EVPL: variants seen among roughly 807,000 people sequenced by gnomAD.
EVPL encodes envoplakin, also known as 210 kDa cornified envelope precursor protein.
Under a neutral mutation model 129.7 loss-of-function variants are expected in EVPL, and 94 were observed. That is an observed-to-expected ratio of 0.72 (90% CI 0.61 to 0.86). The LOEUF is 0.86. Among genes scored for constraint, EVPL ranks in the 40% least tolerant of loss-of-function variants. The probability of loss-of-function intolerance (pLI) is 0.00; values close to 1 mark genes in which losing one functional copy is unlikely to be tolerated. For synonymous variants in EVPL, 1,172 were observed against 1,191.1 expected (o/e 0.98, Z 0.33); for missense variants, 2,625 against 2,721.1 (o/e 0.96, Z 0.79).
chr17:76,022,480 G>A lies in EVPL; in HGVS notation c.539C>T (p.Ala180Val). The A allele has an allele frequency of 6.2e-7, 1 of 1,613,250 alleles. No homozygotes were observed. The highest frequency in any genetic ancestry group is 8.5e-7 in the Non-Finnish European group (1 of 1,179,824). ...CTCCTTCTGCAGGATGTTGTGCTCG[G>A]CGATCTGTTGCTCCAGCTCCGCCAT... ...PGMAELEQQI[A>V]EHNILQKEID... The change falls in exon 5 of 22, where the codon GCC becomes GTC. Residue 180 changes from alanine (A) to valine (V), a missense_variant. Around this residue, in one of 4 missense-constraint regions of EVPL, gnomAD observed 1,024 missense variants for 997.5 expected, o/e 1.03. Coordinates refer to ENST00000301607, the MANE Select transcript of EVPL (RefSeq NM_001988.4). This position sits in a 1 kb window ranked among gnomAD's most constrained non-coding sequence, Gnocchi z 5.6.
chr17:76,023,313 T>A lies in EVPL; in HGVS notation c.459A>T (p.Ala153=). The stretch of plus-strand genomic sequence containing the variant: ...TGACCTGTTTCTGCTCCAGCACGCG[T>A]GCCCAGTCGACCCTGGGTCCCACGT... ...PPDVGPRVDW[A]RVLEQKQKQV... is the part of the protein sequence containing the mutation. The change falls in exon 4 of 22, where the codon GCA becomes GCT. Residue 153 remains alanine, a synonymous_variant. Transcript: ENST00000301607. 6.2e-7 allele frequency: 1 copy of A among 1,613,966 alleles called. No individual in the cohort carries two copies. Among genetic ancestry groups the A allele is most frequent in the Non-Finnish European group, 8.5e-7 (1 of 1,180,006 alleles).
rs2066336983 is a variant in EVPL, at chr17:76,008,133, G to A, written c.5072C>T (p.Pro1691Leu). 6.2e-7 allele frequency: 1 copy of A among 1,614,190 alleles called. No homozygotes were observed. Residue 1691 changes from proline (P) to leucine (L), a missense_variant, in exon 22 of 22, where the codon CCC becomes CTC. Pro to Leu is a moderately conservative substitution (Grantham distance 98). This residue lies in a region of EVPL where 1,453 missense variants were observed against 1,511.8 expected (regional missense o/e 0.96). Coordinates refer to ENST00000301607, the MANE Select transcript of EVPL (RefSeq NM_001988.4). The surrounding 1 kb of genome is among the most constrained non-coding windows in gnomAD (Gnocchi z 7.4). ...TGGGGACATGTCCTTCCCCGTCTCG[G>A]GTTCCAGGATGGAGATCTTGGTGGA... ...NLSTKISILE[P>L]ETGKDMSPYE...
At chr17:76,020,080 C>A (rs867120535) in intron 9 of EVPL, among the ~76,000 whole-genome samples, 11 of 151,480 alleles carry the variant, frequency 7.3e-5, no homozygotes, top group African/African-American at 2.4e-4. Context: ...CCTAAACCAG[C>A]TAAACCTAAA....
Position 76,010,042 on chromosome 17 carries a change from C to A in EVPL, c.3163G>T (p.Gly1055Trp). ...EDAVISARLEGLKKELLALEK... is the reference protein window; with the variant it reads ...EDAVISARLEWLKKELLALEK... ...AGGGCCAGTAGCTCCTTCTTCAGCC[C>A]TTCCAGCCGGGCCGAGATGACGGCA... The change falls in exon 22 of 22, where the codon GGG becomes TGG. Residue 1055 changes from glycine (G) to tryptophan (W), a missense_variant. This residue lies in a region of EVPL where 1,453 missense variants were observed against 1,511.8 expected (regional missense o/e 0.96). Transcript: ENST00000301607. 1 of 1,613,068 alleles carries A rather than the reference C, an allele frequency of 6.2e-7. No homozygotes were observed. The highest frequency in any genetic ancestry group is 8.5e-7 in the Non-Finnish European group (1 of 1,180,028).
chr17:76,014,746 C>A (rs2066404395), intron 17 of EVPL, among the ~76,000 whole-genome samples, 170 bp from the exon 18 acceptor site: 1 of 152,190 alleles, frequency 6.6e-6, no homozygotes, highest in Non-Finnish European at 1.5e-5. Flanking sequence ...ATGGGACAGT[C>A]TCTACCAGGC....
At chr17:76,014,179 G>A (rs998469103) in intron 18 of EVPL, among the ~76,000 whole-genome samples, 4 of 152,210 alleles carry the variant, frequency 2.6e-5, no homozygotes, top group Non-Finnish European at 5.9e-5. Flanking sequence ...GGGGCTTGAT[G>A]AGCATGAGAA....
At chr17:76,020,748 G>A (rs964191031) in intron 9 of EVPL, among the ~76,000 whole-genome samples, 29 of 151,700 alleles carry the variant, frequency 1.9e-4, no homozygotes, top group Admixed American at 6.6e-5. Flanking sequence ...ATAGAGACAG[G>A]GTCTTGCTAT....
Position 76,009,018 on chromosome 17 carries a change from T to A in EVPL, c.4187A>T (p.Asp1396Val), listed in dbSNP as rs754869835. The A allele has an allele frequency of 1.9e-6, 3 of 1,612,844 alleles. No homozygotes were observed. Among genetic ancestry groups the A allele is most frequent in the Admixed American group, 3.3e-5 (2 of 59,996 alleles). The change falls in exon 22 of 22, where the codon GAT (aspartate) becomes GTT (valine). Residue 1396 changes from aspartate (D) to valine (V), a missense_variant. Transcript: ENST00000301607. The surrounding 1 kb of genome is among the most constrained non-coding windows in gnomAD (Gnocchi z 5.9). Reference protein sequence around the residue: ...EEHSRLSGSLDEEVGRRRQLE... With the variant: ...EEHSRLSGSLVEEVGRRRQLE... ...CTGGCGCCGCCGGCCCACCTCCTCA[T>A]CCAGGCTCCCGCTCAGCCGGCTGTG...
chr17:76,008,162 G>T lies in EVPL; in HGVS notation c.5043C>A (p.Asn1681Lys), dbSNP rs371584664. 23 of 1,614,056 alleles carry T rather than the reference G, an allele frequency of 1.4e-5. No homozygotes were observed. The highest frequency in any genetic ancestry group is 1.9e-5 in the Non-Finnish European group (22 of 1,180,038). Reference protein sequence around the residue: ...LSQETQTRETNLSTKISILEP... With the variant: ...LSQETQTRETKLSTKISILEP... ...CCAGGATGGAGATCTTGGTGGAAAG[G>T]TTGGTCTCTCGCGTCTGGGTCTCCT... The change falls in exon 22 of 22, where the codon AAC (asparagine) becomes AAA (lysine). Residue 1681 changes from asparagine (N) to lysine (K), a missense_variant. Asn to Lys is a moderately conservative substitution (Grantham distance 94, BLOSUM62 0). This residue lies in a region of EVPL where 1,453 missense variants were observed against 1,511.8 expected (regional missense o/e 0.96). Coordinates refer to ENST00000301607, the MANE Select transcript of EVPL (RefSeq NM_001988.4). The surrounding 1 kb of genome is among the most constrained non-coding windows in gnomAD (Gnocchi z 7.4).
chr17:76,015,156 C>CGTG, intron 16 of EVPL, 47 bp from the exon 17 acceptor site: 1 of 1,558,836 alleles, frequency 6.4e-7, no homozygotes, highest in South Asian at 1.1e-5. Context: ...GCTGGGGAGA[C>CGTG]GCCGTGTCCA....
rs1352123765 is a variant in EVPL at position 76,015,112 on chromosome 17, G to A, written c.2029-3C>T. The A allele has an allele frequency of 7.0e-6, 11 of 1,572,090 alleles. No homozygotes were observed. The East Asian group carries it at 2.5e-4, about 36-fold the overall frequency. ...TCCAGCAGCTCCCTCCGCTGGCGCTGCAGGAGGAGGGGACGCAGCCGTGCA... is the reference window on the plus strand; with the variant it reads ...TCCAGCAGCTCCCTCCGCTGGCGCTACAGGAGGAGGGGACGCAGCCGTGCA... On this transcript the variant is annotated splice_polypyrimidine_tract_variant and splice_region_variant and intron_variant, in intron 16 of 21. Transcript: ENST00000301607.
intron 1 of EVPL, among the ~76,000 whole-genome samples, chr17:76,025,838 C>T (rs73359866): frequency 0.014 from 2,080 of 152,290 alleles, 56 homozygotes; most frequent in African/African-American, 0.047. Flanking sequence ...GGAAGAACAC[C>T]GCCCAATCCA....
rs115238064 is a variant in EVPL at position 76,023,246 on chromosome 17, C to T, written c.480+46G>A. On this transcript the variant is annotated intron_variant, in intron 4 of 21. Coordinates refer to ENST00000301607, the MANE Select transcript of EVPL (RefSeq NM_001988.4). The stretch of plus-strand genomic sequence containing the variant: ...TCAGGCCCTGGATTAAATGCAGTTC[C>T]GTATCGCCCTCTGATCACACTGGGG... The T allele has an allele frequency of 8.6e-4, 1,381 of 1,609,642 alleles. 3 individuals are homozygous for T. The highest frequency in any genetic ancestry group is 7.1e-3 in the African/African-American group (533 of 74,976).
At position 76,014,954 on chromosome 17, in the gene EVPL, G is replaced by T. The variant is rs765185512; in HGVS notation, c.2184C>A (p.Thr728=). Residue 728 remains threonine (T), a synonymous_variant, in exon 17 of 22, where the codon ACC becomes ACA. Transcript: ENST00000301607. ...PRQQRQVRAL[T]DRYHAVGDQL... is the part of the protein sequence containing the mutation. ...GGTCCCCTACGGCGTGGTAGCGGTC[G>T]GTGAGGGCTCGCACCTGGCGCTGCT... 1 of 1,593,868 alleles carries T rather than the reference G, an allele frequency of 6.3e-7. No individual in the cohort carries two copies. Among genetic ancestry groups the T allele is most frequent in the South Asian group, 1.1e-5 (1 of 90,762 alleles).
At position 76,022,250 on chromosome 17, in the gene EVPL, C is replaced by A. The variant is rs771315835; in HGVS notation, c.607-23G>T. 5 of 1,612,892 alleles carry A rather than the reference C, an allele frequency of 3.1e-6. No individual in the cohort carries two copies. In the South Asian group the frequency reaches 5.5e-5, roughly 18 times the overall value. On this transcript the variant is annotated intron_variant, in intron 5 of 21. Transcript: ENST00000301607. The surrounding 1 kb of genome is among the most constrained non-coding windows in gnomAD (Gnocchi z 5.6). ...ATCCTGCCTCGACCAAGGGGAGAAA[C>A]AAGCCCGTGAGAGGTGGGGTGCAGG...
chr17:76,018,910 G>A lies in EVPL; in HGVS notation c.1284+4C>T, dbSNP rs769443868. ...TGGCAGGGGTGAGGTGGGGGAGTTC[G>A]CACTTCTCCTGAGTCCCAGTCGCAG... On this transcript the variant is annotated splice_donor_region_variant and intron_variant, in intron 11 of 21. Coordinates refer to ENST00000301607, the MANE Select transcript of EVPL (RefSeq NM_001988.4). 1.3e-5 allele frequency: 20 copies of A among 1,521,090 alleles called. No homozygotes were observed. The highest frequency in any genetic ancestry group is 1.4e-5 in the African/African-American group (1 of 70,628). 94.2% of individuals were successfully genotyped at this position (1,521,090 alleles called of 1,614,324 possible).
Position 76,023,605 on chromosome 17 carries a change from G to A in EVPL, c.248C>T (p.Thr83Met), listed in dbSNP as rs774732087. The change falls in exon 3 of 22, where the codon ACG (threonine) becomes ATG (methionine). Residue 83 changes from threonine to methionine, a missense_variant. Around this residue, in one of 4 missense-constraint regions of EVPL, gnomAD observed 139 missense variants for 186.8 expected, o/e 0.74. Transcript: ENST00000301607. Reference protein sequence around the residue: ...QSQALQHQQETGRSLKEAEVL... With the variant: ...QSQALQHQQEMGRSLKEAEVL... ...CTCAGCCTCCTTCAGGCTGCGGCCC[G>A]TCTCCTGCTGGTGCTGCAGGGCCTG... 3.4e-5 allele frequency: 55 copies of A among 1,609,018 alleles called. No individual in the cohort carries two copies. The highest frequency in any genetic ancestry group is 2.0e-4 in the South Asian group (18 of 90,616).
rs758206364 is a variant in EVPL, at chr17:76,015,317, C to T, written c.1938G>A (p.Arg646=). Residue 646 remains arginine (R), a synonymous_variant, in exon 16 of 22, where the codon AGG becomes AGA. Transcript: ENST00000301607. ...GGGTGGCCTCGAAGCCTCGGATGAC[C>T]CTGTCCGCATCCTGGATCTGCCGCT... The part of the protein sequence containing the change: ...DLERQIQDAD[R]VIRGFEATLV... 1.2e-6 allele frequency: 2 copies of T among 1,603,432 alleles called. No homozygotes were observed. The highest frequency in any genetic ancestry group is 1.7e-5 in the Admixed American group (1 of 59,668).
intron 1 of EVPL, among the ~76,000 whole-genome samples, chr17:76,026,225 T>C (rs1190659639): frequency 6.8e-6 from 1 of 147,410 alleles, no homozygotes; most frequent in African/African-American, 2.5e-5. Flanking sequence ...ATTGCAGGCG[T>C]GAGGTATTGC....
Sources: gnomAD v4.1 joint callset for allele counts (sites outside exome capture counted in the v4.1 genomes callset) on GRCh38, gnomAD v4.1.1 for gene constraint, gnomAD v4.1.1 regional missense constraint, Gnocchi (gnomAD v3.1) non-coding constraint, MANE v1.5 for transcripts, NCBI Gene and HGNC (gene_info 2026-07-23, HGNC 2026-07-21) for gene names.